Variants in ZFP64 observed in about 807,000 individuals in gnomAD.
ZFP64 encodes ZFP64 zinc finger protein.
ZFP64 carries 14 observed loss-of-function variants against 51.6 expected under a neutral mutation model. The observed-to-expected ratio is 0.27, with a 90% CI of 0.18 to 0.42. The LOEUF (loss-of-function observed/expected upper bound fraction) is 0.42, where lower values mean the gene tolerates loss of function less well. ZFP64 is among the 10% of genes least tolerant of loss of function. ZFP64 has a pLI of 1.00. For missense variants in ZFP64, 754 were observed against 906.8 expected (o/e 0.83, Z 2.16); for synonymous variants, 375 against 361.4 (o/e 1.04, Z -0.43).
intron 7 of ZFP64, among the ~76,000 whole-genome samples, chr20:52,090,789 ATT>A (rs34728955): frequency 0.069 from 9,181 of 132,268 alleles, 298 homozygotes; most frequent in Middle Eastern, 0.12. Context: ...ACAGAGCAAG[ATT>A]TTTTTTTTTT....
chr20:52,112,087 A>T (rs1978618533), intron 5 of ZFP64, among the ~76,000 whole-genome samples: 1 of 134,256 alleles, frequency 7.4e-6, no homozygotes, highest in African/African-American at 2.8e-5. Context: ...ATCTCCAAAA[A>T]AAAAAAAAAA....
intron 5 of ZFP64, among the ~76,000 whole-genome samples, chr20:52,141,668 G>T (rs1980261366): frequency 6.6e-6 from 1 of 152,214 alleles, no homozygotes; most frequent in Admixed American, 6.5e-5. Context: ...AGCAAAGGAA[G>T]TGGTTCCTTG....
intron 5 of ZFP64, among the ~76,000 whole-genome samples, chr20:52,137,297 C>A (rs966790595): frequency 6.6e-6 from 1 of 152,130 alleles, no homozygotes; most frequent in Non-Finnish European, 1.5e-5. Context: ...GAGCCACTGC[C>A]TTGCTTTTTT....
At chr20:52,189,833 A>G (rs1984247347) in intron 1 of ZFP64, among the ~76,000 whole-genome samples, 1 of 152,116 alleles carries the variant, frequency 6.6e-6, no homozygotes, top group Non-Finnish European at 1.5e-5. Context: ...TCATATATAT[A>G]TGATTATTTA....
intron 4 of ZFP64, among the ~76,000 whole-genome samples, chr20:52,164,091 G>A (rs1418176496): frequency 2.0e-5 from 3 of 152,114 alleles, no homozygotes; most frequent in South Asian, 2.1e-4. Flanking sequence ...TGGGTGGATC[G>A]CTTGAGTCCA....
At chr20:52,114,758 A>G (rs534898967) in intron 5 of ZFP64, among the ~76,000 whole-genome samples, 15 of 152,298 alleles carry the variant, frequency 9.8e-5, no homozygotes, top group African/African-American at 3.4e-4. Context: ...TCTCCTCCAG[A>G]GAAACATTTG....
At chr20:52,138,247 T>C (rs1490167368) in intron 5 of ZFP64, among the ~76,000 whole-genome samples, 1 of 151,674 alleles carries the variant, frequency 6.6e-6, no homozygotes, top group Admixed American at 6.6e-5. Context: ...GTCAGCAGGA[T>C]GGAGATGAAT....
intron 2 of ZFP64, among the ~76,000 whole-genome samples, chr20:52,174,670 T>C (rs1983040437): frequency 6.6e-6 from 1 of 152,176 alleles, no homozygotes; most frequent in Non-Finnish European, 1.5e-5. Flanking sequence ...CTGAATAGTT[T>C]AACCATTTCC....
At chr20:52,099,033 T>C (rs1452228896) in intron 5 of ZFP64, among the ~76,000 whole-genome samples, 1 of 147,290 alleles carries the variant, frequency 6.8e-6, no homozygotes, top group Non-Finnish European at 1.5e-5. Flanking sequence ...GCAAGCCATG[T>C]ATGCTCTGTC....
At chr20:52,161,226 C>G (rs1376464666) in intron 4 of ZFP64, among the ~76,000 whole-genome samples, 1 of 152,184 alleles carries the variant, frequency 6.6e-6, no homozygotes, top group Non-Finnish European at 1.5e-5. Context: ...GCAGCTTAAT[C>G]TGAACCTCAC....
chr20:52,086,247 C>T (rs370908109), intron 8 of ZFP64, among the ~76,000 whole-genome samples: 1 of 152,254 alleles, frequency 6.6e-6, no homozygotes, highest in South Asian at 2.1e-4. Flanking sequence ...TGATATTCAT[C>T]GGAGCCAAAC....
chr20:52,158,614 G>A (rs1981518626), intron 5 of ZFP64, among the ~76,000 whole-genome samples: 1 of 152,154 alleles, frequency 6.6e-6, no homozygotes, highest in Admixed American at 6.5e-5. Context: ...GCTGAGGCAG[G>A]AGAATCACTT....
intron 5 of ZFP64, among the ~76,000 whole-genome samples, chr20:52,117,447 T>C (rs1018383448): frequency 3.3e-5 from 5 of 152,032 alleles, no homozygotes; most frequent in East Asian, 3.9e-4. Flanking sequence ...GGTGAAACCT[T>C]GTCTCTACTA....
At chr20:52,158,629 C>G (rs1217989294) in intron 5 of ZFP64, among the ~76,000 whole-genome samples, 1 of 152,064 alleles carries the variant, frequency 6.6e-6, no homozygotes, top group Admixed American at 6.6e-5. Context: ...TCACTTGAAC[C>G]CAGGAGGCAG....
Position 52,084,958 on chromosome 20 carries a change from G to A in ZFP64, c.1537C>T (p.His513Tyr), listed in dbSNP as rs779850047. Residue 513 changes from histidine to tyrosine, a missense_variant, in exon 9 of 9, where the codon CAC (histidine) becomes TAC (tyrosine). Physicochemically the swap from His to Tyr is moderately conservative, Grantham distance 83. Transcript: ENST00000361387. ...CGGTCCTTACAGTGGACTCTGCTGTGCACGCGCAGGGCGGCCGCGCTGGAG... is the reference window on the plus strand; with the variant it reads ...CGGTCCTTACAGTGGACTCTGCTGTACACGCGCAGGGCGGCCGCGCTGGAG... 5.6e-6 allele frequency: 9 copies of A among 1,613,862 alleles called. No homozygotes were observed. The highest frequency in any genetic ancestry group is 7.6e-6 in the Non-Finnish European group (9 of 1,180,030).
chr20:52,122,302 C>T lies in ZFP64; in HGVS notation c.764-23715G>A, dbSNP rs370148900. ...CGGGTGGATCACGAGGTCAGGAGATCGAGACCATTCTGGCTAACACAGTGA... is the reference window on the plus strand; with the variant it reads ...CGGGTGGATCACGAGGTCAGGAGATTGAGACCATTCTGGCTAACACAGTGA... On this transcript the variant is annotated intron_variant, in intron 5 of 8. Coordinates refer to the ZFP64 transcript ENST00000361387. Among the ~76,000 whole-genome samples the T allele has an allele frequency of 2.4e-3, 369 of 152,134 alleles. 1 individual carries two copies. Among genetic ancestry groups the T allele is most frequent in the African/African-American group, 8.5e-3 (354 of 41,524 alleles).
intron 2 of ZFP64, among the ~76,000 whole-genome samples, chr20:52,166,592 C>CTATAG (rs959541641): frequency 1.3e-5 from 2 of 151,892 alleles, no homozygotes; most frequent in Non-Finnish European, 2.9e-5. Flanking sequence ...GCAGCTGGGA[C>CTATAG]TATAGGCATG....
intron 5 of ZFP64, among the ~76,000 whole-genome samples, chr20:52,133,105 C>A (rs1201897495): frequency 1.3e-5 from 2 of 152,152 alleles, no homozygotes; most frequent in African/African-American, 4.8e-5. Context: ...GGATAAAAAT[C>A]ATTTGATCAT....
Position 52,160,053 on chromosome 20 carries a change from C to T in ZFP64, c.763+70G>A. On this transcript the variant is annotated intron_variant, in intron 5 of 5. Transcript: ENST00000216923. This position sits in a 1 kb window ranked among gnomAD's most constrained non-coding sequence, Gnocchi z 4.2. ...CGATTTCTTACATTGTGGCTGAATGCTTTAAGGTGCTTATGATTTATGCCA... is the reference window on the plus strand; with the variant it reads ...CGATTTCTTACATTGTGGCTGAATGTTTTAAGGTGCTTATGATTTATGCCA... 1 of 1,607,488 alleles carries T rather than the reference C, an allele frequency of 6.2e-7. No homozygotes were observed.
Sources: gnomAD v4.1 joint callset for allele counts (sites outside exome capture counted in the v4.1 genomes callset) on GRCh38, gnomAD v4.1.1 for gene constraint, Gnocchi (gnomAD v3.1) non-coding constraint, MANE v1.5 for transcripts, NCBI Gene and HGNC (gene_info 2026-07-23, HGNC 2026-07-21) for gene names.